The following SELENOV variants were observed in gnomAD, a reference collection of about 807,000 sequenced individuals.
The protein encoded by SELENOV is selenoprotein V.
A neutral mutation model predicts 21.6 loss-of-function variants in SELENOV; 25 were observed. The ratio of observed to expected loss-of-function variants is 1.16; its 90% CI spans 0.84 to 1.62. The LOEUF (loss-of-function observed/expected upper bound fraction) is 1.62, where lower values mean the gene tolerates loss of function less well. SELENOV is among the 40% of genes most tolerant of loss of function. The pLI is 0.00. For synonymous variants in SELENOV, 227 were observed against 216.9 expected, an observed-to-expected ratio of 1.05 and a Z score of -0.41; for missense variants, 472 against 459.0, an observed-to-expected ratio of 1.03 and a Z score of -0.26.
At chr19:39,518,354 A>T in intron 1 of SELENOV, 2 of 564,130 alleles carry the variant, frequency 3.5e-6, no homozygotes, top group South Asian at 4.5e-5. Context: ...TGGCTGGCAC[A>T]GGGTGAATGA....
In SELENOV at chr19:39,515,820, C is replaced by T; in HGVS notation, c.608C>T (p.Pro203Leu). 1.3e-6 allele frequency: 2 copies of T among 1,550,432 alleles called. No homozygotes were observed. Among genetic ancestry groups the T allele is most frequent in the Admixed American group, 3.9e-5 (2 of 50,962 alleles). Residue 203 changes from proline (P) to leucine (L), a missense_variant, in exon 1 of 6, where the codon CCC becomes CTC. Transcript: ENST00000335426. This position sits in a 1 kb window ranked among gnomAD's most constrained non-coding sequence, Gnocchi z 5.1. The stretch of plus-strand genomic sequence containing the variant: ...CGCACCCCGCTGGCCGCGAACTCAC[C>T]CGGGCCCACCCTGGACTTCACCTTC...
At chr19:39,518,825 G>A (rs200755550) in intron 3 of SELENOV, 32 bp downstream of exon 3, 2 of 1,613,014 alleles carry the variant, frequency 1.2e-6, no homozygotes, top group Admixed American at 1.7e-5. Context: ...GGGAGAGGGG[G>A]GTGGTCAGGG....
chr19:39,516,412 C>G (rs138418658), intron 1 of SELENOV, among the ~76,000 whole-genome samples: 11 of 151,934 alleles, frequency 7.2e-5, no homozygotes, highest in Admixed American at 1.3e-4. Context: ...GCCCTGGAAG[C>G]CTCTCTGGCC....
chr19:39,520,548 A>C (rs749781711), exon 6 of SELENOV: 9 of 151,942 alleles, frequency 5.9e-5, no homozygotes, highest in Non-Finnish European at 1.2e-4. Flanking sequence ...TGGCAGTCAG[A>C]CTCAAACCCG....
At position 39,515,302 on chromosome 19, in the gene SELENOV, A is replaced by C. The variant is rs541106632; in HGVS notation, c.90A>C (p.Pro30=). The C allele has an allele frequency of 6.5e-7, 1 of 1,549,266 alleles. No homozygotes were observed. Among genetic ancestry groups the C allele is most frequent in the East Asian group, 2.5e-5 (1 of 40,790 alleles). Residue 30 remains proline, a synonymous_variant, in exon 1 of 6, where the codon CCA becomes CCC. Transcript: ENST00000335426. This position sits in a 1 kb window ranked among gnomAD's most constrained non-coding sequence, Gnocchi z 5.1. ...CTACCCCGACCCGGACACCGACTCC[A>C]CTCCGGACCCCGACTCCGGTCCGGA...
intron 1 of SELENOV, among the ~76,000 whole-genome samples, chr19:39,517,341 T>C (rs573895484): frequency 6.6e-6 from 1 of 152,250 alleles, no homozygotes; most frequent in South Asian, 2.1e-4. Context: ...TTCCAGGTCC[T>C]ATTGGCATCA....
intron 1 of SELENOV, among the ~76,000 whole-genome samples, chr19:39,516,799 A>G (rs1421826475): frequency 6.6e-6 from 1 of 150,454 alleles, no homozygotes; most frequent in East Asian, 2.0e-4. Context: ...GGGTTCAAGC[A>G]ATTCTCCTGC....
At chr19:39,518,294 C>CAAAAAAAA (rs56055153) in intron 1 of SELENOV, among the ~76,000 whole-genome samples, 36 of 107,210 alleles carry the variant, frequency 3.4e-4, no homozygotes, top group East Asian at 1.5e-3. Context: ...AACAAAAAAA[C>CAAAAAAAA]AAAAAAAAAA....
chr19:39,517,059 A>G (rs73551881), intron 1 of SELENOV, among the ~76,000 whole-genome samples: 14,466 of 147,872 alleles, frequency 0.098, 2,039 homozygotes, highest in African/African-American at 0.32. Context: ...CAGTATCACT[A>G]TGTTGCCCAG....
Position 39,518,897 on chromosome 19 carries a change from TC to T in SELENOV, c.889-3del. On this transcript the variant is annotated splice_polypyrimidine_tract_variant and splice_region_variant and intron_variant, in intron 3 of 5. Transcript: ENST00000335426. ...AGCCTCCCCTACGCTCACCATTTCC[TC>T]CCAGGAGGAGGACAGAGCTGCCCAG... 1 of 1,613,738 alleles carries T rather than the reference TC, an allele frequency of 6.2e-7. No homozygotes were observed. The highest frequency in any genetic ancestry group is 8.5e-7 in the Non-Finnish European group (1 of 1,179,828).
rs187415319 is a variant in SELENOV at position 39,515,296 on chromosome 19, G to A, written c.84G>A (p.Pro28=). The A allele has an allele frequency of 1.9e-6, 3 of 1,551,020 alleles. No individual in the cohort carries two copies. The Admixed American group carries it at 5.9e-5, about 30-fold the overall frequency. The change falls in exon 1 of 6, where the codon CCG becomes CCA. Residue 28 remains proline (P), a synonymous_variant. Transcript: ENST00000335426. This position sits in a 1 kb window ranked among gnomAD's most constrained non-coding sequence, Gnocchi z 5.1. The stretch of plus-strand genomic sequence containing the variant: ...GGGCTTCTACCCCGACCCGGACACC[G>A]ACTCCACTCCGGACCCCGACTCCGG...
chr19:39,519,282 A>C, intron 5 of SELENOV, 112 bp downstream of exon 5: 1 of 750,858 alleles, frequency 1.3e-6, no homozygotes, highest in Admixed American at 2.1e-5. Flanking sequence ...CACTGTTAGA[A>C]TCATGACAAG....
Position 39,516,694 on chromosome 19 carries a change from AT to A in SELENOV, c.809+691del, listed in dbSNP as rs74178082. Reference sequence around the variant, plus strand: ...AGGTGTGCACCACCATGCCTGCCTAATTTTTTTTTTTTTTTTTTGAGACGGA... The same window carrying A: ...AGGTGTGCACCACCATGCCTGCCTAATTTTTTTTTTTTTTTTTGAGACGGA... On this transcript the variant is annotated intron_variant, in intron 1 of 5. Coordinates refer to ENST00000335426, the Ensembl canonical transcript of SELENOV. Among the ~76,000 whole-genome samples, 1,020 of 129,438 alleles carry A rather than the reference AT, an allele frequency of 7.9e-3. 8 individuals carry two copies. Among genetic ancestry groups the A allele is most frequent in the Admixed American group, 0.034 (441 of 12,882 alleles). 84.9% of individuals were successfully genotyped at this position (129,438 alleles called of 152,430 possible).
At chr19:39,518,250 A>G (rs574204650) in intron 1 of SELENOV, among the ~76,000 whole-genome samples, 19 of 150,612 alleles carry the variant, frequency 1.3e-4, no homozygotes, top group East Asian at 3.9e-4. Context: ...CAGCCTGGGC[A>G]ACAGAGCGAG....
At position 39,515,352 on chromosome 19, in the gene SELENOV, C is replaced by T; in HGVS notation, c.140C>T (p.Thr47Ile). ...ACTCGGACCCCCATCCGGACCCTGA[C>T]TCCAGTCCTGACTCCGTCTCCAGCC... Residue 47 changes from threonine to isoleucine, a missense_variant, in exon 1 of 6, where the codon ACT becomes ATT. Transcript: ENST00000335426. This position sits in a 1 kb window ranked among gnomAD's most constrained non-coding sequence, Gnocchi z 5.1. 1 of 1,551,566 alleles carries T rather than the reference C, an allele frequency of 6.4e-7. No homozygotes were observed.
intron 1 of SELENOV, among the ~76,000 whole-genome samples, chr19:39,517,302 C>A (rs770565444): frequency 6.6e-6 from 1 of 151,982 alleles, no homozygotes; most frequent in East Asian, 1.9e-4. Context: ...TGTATTCATT[C>A]GACAACTACT....
chr19:39,516,062 G>A, intron 1 of SELENOV, 41 bp downstream of exon 1: 1 of 1,532,670 alleles, frequency 6.5e-7, no homozygotes, highest in Middle Eastern at 1.7e-4. Context: ...CCCGGGGACA[G>A]GGCCGGCAGT....
At chr19:39,516,103 A>G in intron 1 of SELENOV, 82 bp downstream of exon 1, 4 of 1,271,680 alleles carry the variant, frequency 3.1e-6, no homozygotes, top group Non-Finnish European at 4.5e-6. Flanking sequence ...CGTGGAGGTC[A>G]GGGTTGGGGT....
In SELENOV at chr19:39,515,293, A is replaced by AC. The variant is rs1568454111; in HGVS notation, c.83dup (p.Thr29AspfsTer142). On this transcript the variant is annotated frameshift_variant, in exon 1 of 6. Transcript: ENST00000335426. LOFTEE classifies it high-confidence loss of function. The surrounding 1 kb of genome is among the most constrained non-coding windows in gnomAD (Gnocchi z 5.1). The stretch of plus-strand genomic sequence containing the variant: ...TCCGGGCTTCTACCCCGACCCGGAC[A>AC]CCGACTCCACTCCGGACCCCGACTC... 1 of 1,550,912 alleles carries AC rather than the reference A, an allele frequency of 6.4e-7. No homozygotes were observed. The highest frequency in any genetic ancestry group is 2.0e-5 in the Admixed American group (1 of 50,962).
Sources: gnomAD v4.1 joint callset for allele counts (sites outside exome capture counted in the v4.1 genomes callset) on GRCh38, gnomAD v4.1.1 for gene constraint, Gnocchi (gnomAD v3.1) non-coding constraint, MANE v1.5 for transcripts, NCBI Gene and HGNC (gene_info 2026-07-23, HGNC 2026-07-21) for gene names.